IFT52: variants seen among roughly 807,000 people sequenced by gnomAD.
IFT52 encodes the protein intraflagellar transport 52, also known as intraflagellar transport protein 52 homolog.
Under a neutral mutation model 54.4 loss-of-function variants are expected in IFT52, and 44 were observed. The observed-to-expected ratio is 0.81, with a 90% CI of 0.63 to 1.04. IFT52 has a LOEUF of 1.04. Among genes scored for constraint, IFT52 ranks in the 50% least tolerant of loss-of-function variants. The pLI is 0.00. For missense variants in IFT52, 452 were observed against 523.6 expected, an observed-to-expected ratio of 0.86 and a Z score of 1.33; for synonymous variants, 181 against 185.3, an observed-to-expected ratio of 0.98 and a Z score of 0.19.
At chr20:43,628,192 G>T (rs958555099) in intron 10 of IFT52, among the ~76,000 whole-genome samples, 1 of 152,086 alleles carries the variant, frequency 6.6e-6, no homozygotes, top group African/African-American at 2.4e-5. Context: ...GCCTCCCAAA[G>T]TGTTGAGATT....
At position 43,644,175 on chromosome 20, in the gene IFT52, T is replaced by G. The variant is rs557928212; in HGVS notation, c.1266+1551T>G. On this transcript the variant is annotated intron_variant, in intron 13 of 13. Coordinates refer to ENST00000373030, the MANE Select transcript of IFT52 (RefSeq NM_016004.5). ...AAGAACTTCAAAATTATCCCTGGCCTTCTTTTTTCCAAGGATTTCAAAAAT... is the reference window on the plus strand; with the variant it reads ...AAGAACTTCAAAATTATCCCTGGCCGTCTTTTTTCCAAGGATTTCAAAAAT... Among the ~76,000 whole-genome samples, 336 of 39,036 alleles carry G rather than the reference T, an allele frequency of 8.6e-3. 129 individuals are homozygous for G. Among genetic ancestry groups the G allele is most frequent in the African/African-American group, 0.077 (312 of 4,064 alleles). The allele number at this position is 39,036 out of a possible 152,430, so 25.6% of individuals were successfully genotyped here.
At chr20:43,610,549 C>T (rs1385419609) in intron 6 of IFT52, among the ~76,000 whole-genome samples, 3 of 151,848 alleles carry the variant, frequency 2.0e-5, no homozygotes, top group Admixed American at 2.0e-4. Context: ...CTGGATAACA[C>T]GATGAAACCC....
intron 3 of IFT52, among the ~76,000 whole-genome samples, chr20:43,600,142 C>A (rs1281873457): frequency 2.0e-5 from 3 of 152,022 alleles, no homozygotes; most frequent in Non-Finnish European, 4.4e-5. Context: ...TTATGTTTGA[C>A]ATTTTGAAAT....
At chr20:43,638,053 T>G (rs1381963542) in intron 12 of IFT52, among the ~76,000 whole-genome samples, 2 of 152,158 alleles carry the variant, frequency 1.3e-5, no homozygotes, top group Non-Finnish European at 2.9e-5. Flanking sequence ...TCCTCCTGAC[T>G]TTTGGTCTGG....
intron 12 of IFT52, among the ~76,000 whole-genome samples, chr20:43,641,832 T>TG (rs1985941793): frequency 6.6e-6 from 1 of 151,448 alleles, no homozygotes; most frequent in Non-Finnish European, 1.5e-5. Context: ...TCTGTTCTGT[T>TG]GCCCGGGGTG....
At chr20:43,622,542 G>A (rs539118440) in intron 9 of IFT52, among the ~76,000 whole-genome samples, 1 of 151,590 alleles carries the variant, frequency 6.6e-6, no homozygotes, top group East Asian at 1.9e-4. Flanking sequence ...GGCAGAGCTT[G>A]CAGTGAGCCA....
At chr20:43,595,111 C>T (rs529951703) in intron 2 of IFT52, among the ~76,000 whole-genome samples, 50 of 151,070 alleles carry the variant, frequency 3.3e-4, no homozygotes, top group Admixed American at 1.1e-3. Context: ...GTCATGGGTT[C>T]GAGACAAGCC....
intron 10 of IFT52, among the ~76,000 whole-genome samples, chr20:43,625,698 C>T (rs1462606796): frequency 2.0e-5 from 3 of 152,060 alleles, no homozygotes; most frequent in South Asian, 2.1e-4. Context: ...ACAAGGCCAT[C>T]GTGGCCACTG....
At chr20:43,598,629 A>C (rs1460251016) in intron 3 of IFT52, among the ~76,000 whole-genome samples, 1 of 152,148 alleles carries the variant, frequency 6.6e-6, no homozygotes, top group Non-Finnish European at 1.5e-5. Flanking sequence ...TGGGAGGCGG[A>C]GGTTGCAGTG....
chr20:43,593,928 A>G (rs972576504), intron 1 of IFT52, among the ~76,000 whole-genome samples: 16 of 152,322 alleles, frequency 1.1e-4, no homozygotes, highest in African/African-American at 2.9e-4. Context: ...TGTCAAATAT[A>G]CAAGGTTAGG....
chr20:43,596,245 G>C (rs567767600), intron 2 of IFT52, among the ~76,000 whole-genome samples, 190 bp from the exon 3 acceptor site: 2 of 152,316 alleles, frequency 1.3e-5, no homozygotes, highest in Admixed American at 1.3e-4. Context: ...TTGAACAGAG[G>C]CCAGATGACT....
chr20:43,634,226 TAGAA>T (rs1985371949), intron 10 of IFT52, among the ~76,000 whole-genome samples: 1 of 114,110 alleles, frequency 8.8e-6, no homozygotes, highest in Non-Finnish European at 1.9e-5. Flanking sequence ...AAAAAAAAAA[TAGAA>T]GAAGAAGAAA....
intron 10 of IFT52, among the ~76,000 whole-genome samples, chr20:43,626,980 C>T (rs1219569852): frequency 9.9e-5 from 15 of 152,088 alleles, no homozygotes; most frequent in African/African-American, 3.4e-4. Flanking sequence ...GCCTGGCCAA[C>T]ATGGTGAAAC....
intron 6 of IFT52, 55 bp from the exon 7 acceptor site, chr20:43,613,795 G>C: frequency 6.5e-7 from 1 of 1,535,872 alleles, no homozygotes; most frequent in Non-Finnish European, 9.0e-7. Context: ...ATTATTTTCA[G>C]AATTTTTGTA....
intron 13 of IFT52, among the ~76,000 whole-genome samples, chr20:43,645,557 C>A (rs1316227691): frequency 4.0e-5 from 2 of 50,554 alleles, no homozygotes; most frequent in Non-Finnish European, 9.2e-5. Flanking sequence ...ACTCTGTCCC[C>A]CCCAAAAAAA....
intron 7 of IFT52, among the ~76,000 whole-genome samples, chr20:43,616,317 G>A (rs1983853865): frequency 6.6e-6 from 1 of 151,890 alleles, no homozygotes; most frequent in Non-Finnish European, 1.5e-5. Context: ...GACTAGCCTG[G>A]CCAACATAGT....
At chr20:43,630,967 A>G (rs1314876233) in intron 10 of IFT52, among the ~76,000 whole-genome samples, 1 of 152,222 alleles carries the variant, frequency 6.6e-6, no homozygotes, top group African/African-American at 2.4e-5. Flanking sequence ...GGGGACAGAA[A>G]GCGGAAATAA....
At chr20:43,620,015 C>G (rs948848620) in intron 8 of IFT52, among the ~76,000 whole-genome samples, 2 of 137,532 alleles carry the variant, frequency 1.5e-5, no homozygotes, top group East Asian at 4.7e-4. Context: ...CTCACGGGTT[C>G]AAGCGATTCT....
At chr20:43,597,167 T>A (rs1489009892) in intron 3 of IFT52, among the ~76,000 whole-genome samples, 4 of 149,268 alleles carry the variant, frequency 2.7e-5, no homozygotes, top group Admixed American at 1.3e-4. Context: ...AGGTCGGGAG[T>A]TCAAGACCAC....
Sources: allele counts gnomAD v4.1 joint callset (sites outside exome capture counted in the v4.1 genomes callset), GRCh38; gene constraint gnomAD v4.1.1; transcripts MANE v1.5; gene names NCBI Gene and HGNC (gene_info 2026-07-23, HGNC 2026-07-21).